NLRC5: variants seen among roughly 807,000 people sequenced by gnomAD.
NLRC5 encodes the protein NLR family CARD domain containing 5.
In NLRC5, 114 loss-of-function variants were observed where a neutral mutation model predicts 206.9. That is an observed-to-expected ratio of 0.55 (90% CI 0.47 to 0.64). The LOEUF is 0.64. NLRC5 is among the 30% of genes least tolerant of loss of function. NLRC5 has a pLI of 0.00. For synonymous variants in NLRC5, 952 were observed against 962.8 expected (o/e 0.99, Z 0.21); for missense variants, 2,008 against 2,305.5 (o/e 0.87, Z 2.64).
intron 21 of NLRC5, 121 bp downstream of exon 21, chr16:57,045,613 G>A (rs1416089226): frequency 6.0e-6 from 5 of 834,754 alleles, no homozygotes; most frequent in South Asian, 2.9e-5. Flanking sequence ...ACCCAAGTCC[G>A]GCACACTAGG....
Position 57,031,413 on chromosome 16 carries a change from C to A in NLRC5, c.2427C>A (p.Asp809Glu). 1 of 1,613,656 alleles carries A rather than the reference C, an allele frequency of 6.2e-7. No homozygotes were observed. Among genetic ancestry groups the A allele is most frequent in the Non-Finnish European group, 8.5e-7 (1 of 1,179,918 alleles). ...TVRMLQAREA[D>E]LIFLLSPPTE... ...GTATCTGATCCTGCAGGGAGGCGGA[C>A]CTCATCTTCCTTCTTTCCCCGCCCA... Residue 809 changes from aspartate to glutamate, a missense_variant, in exon 11 of 49, where the codon GAC becomes GAA. Coordinates refer to ENST00000688547, the MANE Select transcript of NLRC5 (RefSeq NM_001384950.1).
rs559781633 is a variant in NLRC5, at chr16:57,017,967, C to G, written c.-13+779C>G. The stretch of plus-strand genomic sequence containing the variant: ...GAAATCTCAATGACTGATAATGATG[C>G]CATGTGCTTTTTCTCCTGAGGATGG... On this transcript the variant is annotated intron_variant, in intron 2 of 48. Coordinates refer to ENST00000688547, the MANE Select transcript of NLRC5 (RefSeq NM_001384950.1). Among the ~76,000 whole-genome samples, 11 of 152,352 alleles carry G rather than the reference C, an allele frequency of 7.2e-5. No individual in the cohort carries two copies. The South Asian group carries it at 1.7e-3, about 23-fold the overall frequency.
intron 1 of NLRC5, among the ~76,000 whole-genome samples, chr16:57,006,276 G>A (rs1196837807): frequency 6.6e-6 from 1 of 152,026 alleles, no homozygotes. Flanking sequence ...TGGGATTACA[G>A]GCATGAGCCA....
At chr16:57,013,634 G>T in intron 1 of NLRC5, 1 of 989,644 alleles carries the variant, frequency 1.0e-6, no homozygotes, top group Non-Finnish European at 1.6e-6. Context: ...CATTGTTTTT[G>T]CCAATCCTCC....
At chr16:57,078,686 G>T (rs1311536278) in intron 43 of NLRC5, among the ~76,000 whole-genome samples, 1 of 152,044 alleles carries the variant, frequency 6.6e-6, no homozygotes, top group South Asian at 2.1e-4. Context: ...GCCCAGGCTG[G>T]TCTTGGACTC....
In NLRC5 at chr16:57,067,815, C is replaced by G. The variant is rs766017488; in HGVS notation, c.4486C>G (p.Leu1496Val). The G allele has an allele frequency of 1.8e-5, 29 of 1,613,922 alleles. No homozygotes were observed. Among genetic ancestry groups the G allele is most frequent in the Non-Finnish European group, 2.2e-5 (26 of 1,179,788 alleles). Reference protein sequence around the residue: ...LQSLLLSLSELKTFRLTSSCV... With the variant: ...LQSLLLSLSEVKTFRLTSSCV... ...GAGCCTCCTGCTGTCCCTCTCTGAG[C>G]TGAAGACATTTCGGTATGTAGACAA... Residue 1496 changes from leucine (L) to valine (V), a missense_variant, in exon 36 of 49, where the codon CTG becomes GTG. Transcript: ENST00000688547.
At position 57,039,693 on chromosome 16, in the gene NLRC5, G is replaced by C; in HGVS notation, c.2802-88G>C. On this transcript the variant is annotated intron_variant, in intron 15 of 48. Transcript: ENST00000688547. ...GATTGCACCACTGCACACCAGCTTG[G>C]GCAACAGACTGAGACCTTCTCTCAA... 6.6e-6 allele frequency: 8 copies of C among 1,215,394 alleles called. No individual in the cohort carries two copies. The South Asian group carries it at 1.0e-4, about 15-fold the overall frequency. The allele number at this position is 1,215,394 out of a possible 1,614,324, so 75.3% of individuals were successfully genotyped here.
chr16:57,078,086 G>T, intron 43 of NLRC5, 66 bp downstream of exon 43: 1 of 1,365,600 alleles, frequency 7.3e-7, no homozygotes, highest in South Asian at 1.4e-5. Context: ...AGCAGTGGGG[G>T]GGTCCAGGCC....
chr16:57,027,038 G>A lies in NLRC5; in HGVS notation c.2075+20G>A. ...TCTCAGGTGAGTAAGAGTGGAGGAG[G>A]ACCGGGGAGGGGATTGGGCTTTTGG... On this transcript the variant is annotated intron_variant, in intron 6 of 48. Transcript: ENST00000688547. 1 of 1,603,240 alleles carries A rather than the reference G, an allele frequency of 6.2e-7. No individual in the cohort carries two copies. The highest frequency in any genetic ancestry group is 2.2e-5 in the East Asian group (1 of 44,740).
At chr16:57,043,868 G>T in intron 20 of NLRC5, 14 of 518,598 alleles carry the variant, frequency 2.7e-5, no homozygotes, top group South Asian at 7.4e-5. Context: ...CTCGTTCTTT[G>T]GATAGTCCTT....
Position 57,076,869 on chromosome 16 carries a change from C to A in NLRC5, c.4802C>A (p.Ala1601Asp), listed in dbSNP as rs2068468531. The change falls in exon 40 of 49, where the codon GCT (alanine) becomes GAT (aspartate). Residue 1601 changes from alanine to aspartate, a missense_variant. Transcript: ENST00000688547. Reference sequence around the variant, plus strand: ...GTCGGTTGCTGCCACCTTTCTGAGGCTCTCAGGGCTGCCACCAGCCTAGAG... The same window carrying A: ...GTCGGTTGCTGCCACCTTTCTGAGGATCTCAGGGCTGCCACCAGCCTAGAG... Reference protein sequence around the residue: ...GDVGCCHLSEALRAATSLEEL... With the variant: ...GDVGCCHLSEDLRAATSLEEL... The A allele has an allele frequency of 6.2e-7, 1 of 1,613,960 alleles. No individual in the cohort carries two copies. Among genetic ancestry groups the A allele is most frequent in the South Asian group, 1.1e-5 (1 of 91,088 alleles).
intron 24 of NLRC5, 100 bp downstream of exon 24, chr16:57,051,721 C>T (rs1214246927): frequency 3.5e-5 from 31 of 883,190 alleles, no homozygotes; most frequent in Non-Finnish European, 5.1e-5. Flanking sequence ...CTCAACCCCC[C>T]GCCTTTACCC....
intron 28 of NLRC5, 126 bp from the exon 29 acceptor site, chr16:57,058,846 A>C: frequency 1.2e-6 from 1 of 814,926 alleles, no homozygotes; most frequent in African/African-American, 1.7e-5. Flanking sequence ...CATCTGGAGA[A>C]TAGATGCTTA....
rs115941062 is a variant in NLRC5, at chr16:57,031,826, G to A, written c.2477+363G>A. Among the ~76,000 whole-genome samples the A allele has an allele frequency of 4.7e-3, 701 of 150,608 alleles. 6 individuals carry two copies. Among genetic ancestry groups the A allele is most frequent in the African/African-American group, 0.016 (659 of 40,814 alleles). On this transcript the variant is annotated intron_variant, in intron 11 of 48. Transcript: ENST00000688547. ...GGCAATTATGGTACCTACATCTTAG[G>A]GTTGTTCTGAGAATTAAATGAGTTA...
At chr16:57,021,904 A>G (rs1460479195) in intron 3 of NLRC5, among the ~76,000 whole-genome samples, 1 of 152,212 alleles carries the variant, frequency 6.6e-6, no homozygotes, top group Non-Finnish European at 1.5e-5. Context: ...GGGGCGGCGC[A>G]TGCACATATG....
chr16:56,996,645 A>G (rs1350696383), intron 1 of NLRC5, among the ~76,000 whole-genome samples: 1 of 152,236 alleles, frequency 6.6e-6, no homozygotes, highest in Non-Finnish European at 1.5e-5. Flanking sequence ...AGTTTTGGAA[A>G]TTATACACTT....
chr16:57,057,955 G>A, intron 27 of NLRC5, 110 bp from the exon 28 acceptor site: 1 of 844,228 alleles, frequency 1.2e-6, no homozygotes. Flanking sequence ...TGGTGACCCT[G>A]ACATGGGGTC....
chr16:56,994,282 G>C (rs1310909728), intron 1 of NLRC5, among the ~76,000 whole-genome samples: 2 of 152,152 alleles, frequency 1.3e-5, no homozygotes, highest in Admixed American at 6.5e-5. Context: ...AACTTCTTAG[G>C]GGAAGGATGG....
At chr16:57,023,745 C>T in intron 4 of NLRC5, 40 bp from the exon 5 acceptor site, 2 of 1,578,810 alleles carry the variant, frequency 1.3e-6, no homozygotes. Flanking sequence ...AGCCCAGATC[C>T]CCAGACCCCA....
Sources: allele counts gnomAD v4.1 joint callset (sites outside exome capture counted in the v4.1 genomes callset), GRCh38; gene constraint gnomAD v4.1.1; transcripts MANE v1.5; gene names NCBI Gene and HGNC (gene_info 2026-07-23, HGNC 2026-07-21).